MAGI2: variants seen among roughly 807,000 people sequenced by gnomAD.
MAGI2 encodes membrane-associated guanylate kinase, WW and PDZ domain-containing protein 2.
MAGI2 carries 35 observed loss-of-function variants against 133.3 expected under a neutral mutation model. That is an observed-to-expected ratio of 0.26 (90% confidence interval 0.20 to 0.35). The LOEUF (loss-of-function observed/expected upper bound fraction) is 0.35. Among genes scored for constraint, MAGI2 ranks in the 10% least tolerant of loss-of-function variants. The probability of loss-of-function intolerance (pLI) is 1.00; values close to 1 mark genes in which losing one functional copy is unlikely to be tolerated. For synonymous variants in MAGI2, 729 were observed against 710.6 expected (o/e 1.03, Z -0.41); for missense variants, 1,636 against 1,863.4 (o/e 0.88, Z 2.25).
intron 1 of MAGI2, among the ~76,000 whole-genome samples, chr7:79,322,493 C>T (rs1247162710): frequency 1.3e-5 from 2 of 151,830 alleles, no homozygotes; most frequent in African/African-American, 2.4e-5. Flanking sequence ...AAGCAATTGT[C>T]TCATCAGATT....
intron 1 of MAGI2, among the ~76,000 whole-genome samples, chr7:79,389,101 T>C (rs887558679): frequency 2.0e-5 from 3 of 152,000 alleles, no homozygotes; most frequent in African/African-American, 7.2e-5. Flanking sequence ...TGAGATGTTG[T>C]GGCATAATTG....
chr7:78,255,310 G>C (rs1488851791), intron 10 of MAGI2: 5 of 156,884 alleles, frequency 3.2e-5, no homozygotes, highest in African/African-American at 1.2e-4. Flanking sequence ...CCCTCACCCT[G>C]TTCTGTAACT....
At chr7:78,321,751 A>T (rs188947686) in intron 9 of MAGI2, among the ~76,000 whole-genome samples, 2 of 152,330 alleles carry the variant, frequency 1.3e-5, no homozygotes, top group Admixed American at 6.5e-5. Context: ...AATGGCAACA[A>T]AAGCCCAAAT....
At chr7:79,418,830 TACACACACACACACACAC>T (rs57172659) in intron 1 of MAGI2, among the ~76,000 whole-genome samples, 11 of 137,940 alleles carry the variant, frequency 8.0e-5, no homozygotes, top group East Asian at 2.1e-4. Flanking sequence ...CCAATACACA[TACACACACACACACACAC>T]ACACACACAC....
chr7:78,550,047 G>A (rs535404713), intron 3 of MAGI2, among the ~76,000 whole-genome samples: 78 of 152,232 alleles, frequency 5.1e-4, no homozygotes, highest in African/African-American at 1.7e-3. Flanking sequence ...CAGCTCCTTT[G>A]TCTCTTCCAT....
chr7:79,126,231 G>A (rs1820396628), intron 1 of MAGI2, among the ~76,000 whole-genome samples: 1 of 152,196 alleles, frequency 6.6e-6, no homozygotes, highest in South Asian at 2.1e-4. Context: ...CACACTTGTA[G>A]TAGGCAGACA....
intron 9 of MAGI2, among the ~76,000 whole-genome samples, chr7:78,287,857 A>C (rs933389696): frequency 6.6e-6 from 1 of 152,210 alleles, no homozygotes; most frequent in Non-Finnish European, 1.5e-5. Flanking sequence ...CTACTCATTG[A>C]CAATTATAAT....
intron 1 of MAGI2, among the ~76,000 whole-genome samples, chr7:79,171,553 G>C (rs1187611201): frequency 6.6e-6 from 1 of 150,490 alleles, no homozygotes; most frequent in Non-Finnish European, 1.5e-5. Flanking sequence ...AAAAATTAGT[G>C]GAATAAGCCA....
At chr7:78,760,147 GAAAAT>G (rs1824349164) in intron 2 of MAGI2, among the ~76,000 whole-genome samples, 2 of 152,012 alleles carry the variant, frequency 1.3e-5, no homozygotes, top group African/African-American at 2.4e-5. Context: ...AATAAGGAAA[GAAAAT>G]AAAGGAGATT....
Position 78,256,361 on chromosome 7 carries a change from G to A in MAGI2, c.1629C>T (p.Asn543=), listed in dbSNP as rs1416613201. 2.5e-6 allele frequency: 4 copies of A among 1,614,026 alleles called. No homozygotes were observed. The highest frequency in any genetic ancestry group is 1.3e-5 in the African/African-American group (1 of 75,030). ...PPPVMVNGRH[N]YETYLEYISR... The stretch of plus-strand genomic sequence containing the variant: ...AAATGTACTCCAAATATGTTTCATA[G>A]TTGTGTCTTCCATTGACCATCACTG... Residue 543 remains asparagine, a synonymous_variant, in exon 10 of 22, where the codon AAC becomes AAT. Transcript: ENST00000354212.
rs75875089 is a variant in MAGI2 at position 79,096,379 on chromosome 7, C to T, written c.302-89173G>A. 3.0e-3 allele frequency among the ~76,000 whole-genome samples: 453 copies of T among 152,296 alleles called. 4 individuals carry two copies. Among genetic ancestry groups the T allele is most frequent in the African/African-American group, 0.01 (429 of 41,560 alleles). On this transcript the variant is annotated intron_variant, in intron 1 of 21. Transcript: ENST00000354212. ...TTCCTAGCTCTGCTCCCTGCCATGCCCCTTCAAGTGCCTTGTGTACAGCTT... is the reference window on the plus strand; with the variant it reads ...TTCCTAGCTCTGCTCCCTGCCATGCTCCTTCAAGTGCCTTGTGTACAGCTT...
At chr7:79,082,191 T>A (rs1052402414) in intron 1 of MAGI2, among the ~76,000 whole-genome samples, 1 of 152,072 alleles carries the variant, frequency 6.6e-6, no homozygotes, top group African/African-American at 2.4e-5. Context: ...TTCTTGATAA[T>A]GTTCTTTAAG....
intron 1 of MAGI2, among the ~76,000 whole-genome samples, chr7:79,336,835 G>A (rs144549918): frequency 3.3e-4 from 50 of 152,124 alleles, no homozygotes; most frequent in African/African-American, 1.1e-3. Flanking sequence ...ACAGTTGTTA[G>A]GGGGATAAGG....
intron 6 of MAGI2, among the ~76,000 whole-genome samples, chr7:78,384,269 T>C (rs1361778600): frequency 1.3e-5 from 2 of 152,172 alleles, no homozygotes; most frequent in Non-Finnish European, 2.9e-5. Flanking sequence ...GAAATATTTA[T>C]TGATAACCTA....
intron 1 of MAGI2, among the ~76,000 whole-genome samples, chr7:79,046,072 C>T (rs1193739398): frequency 4.0e-4 from 61 of 152,210 alleles, no homozygotes; most frequent in Non-Finnish European, 3.2e-4. Flanking sequence ...TTGCAACTTC[C>T]TGTGTGCATA....
At chr7:79,159,426 A>G (rs1378837834) in intron 1 of MAGI2, among the ~76,000 whole-genome samples, 1 of 151,778 alleles carries the variant, frequency 6.6e-6, no homozygotes, top group East Asian at 1.9e-4. Flanking sequence ...CTGAGGCAGA[A>G]GAATGTCTTG....
intron 1 of MAGI2, among the ~76,000 whole-genome samples, chr7:79,405,115 A>G (rs1845719810): frequency 6.6e-6 from 1 of 152,120 alleles, no homozygotes. Context: ...CTAAATTTGA[A>G]CCTAGCCTTC....
chr7:78,096,801 C>T (rs1817731667), intron 20 of MAGI2, among the ~76,000 whole-genome samples: 1 of 151,784 alleles, frequency 6.6e-6, no homozygotes, highest in African/African-American at 2.4e-5. Context: ...AAAAGTTTGC[C>T]CAAAGGCAAA....
intron 9 of MAGI2, among the ~76,000 whole-genome samples, chr7:78,339,976 G>A (rs1860538): frequency 1.4e-4 from 22 of 151,918 alleles, no homozygotes; most frequent in African/African-American, 3.9e-4. Context: ...GCAATACAGC[G>A]TTGGTGATAT....
Sources: allele counts gnomAD v4.1 joint callset (sites outside exome capture counted in the v4.1 genomes callset), GRCh38; gene constraint gnomAD v4.1.1; transcripts MANE v1.5; gene names NCBI Gene and HGNC (gene_info 2026-07-23, HGNC 2026-07-21).